The following NTRK2 variants were observed in gnomAD, a reference collection of about 807,000 sequenced individuals.
NTRK2 encodes neurotrophic receptor tyrosine kinase 2.
NTRK2 carries 13 observed loss-of-function variants against 94.5 expected under a neutral mutation model. That is an observed-to-expected ratio of 0.14 (90% CI 0.09 to 0.22). The LOEUF (loss-of-function observed/expected upper bound fraction) is 0.22. Among genes scored for constraint, NTRK2 ranks in the 10% least tolerant of loss-of-function variants. The pLI is 1.00. For missense variants in NTRK2, 639 were observed against 1,071.2 expected, an observed-to-expected ratio of 0.60 and a Z score of 5.63; for synonymous variants, 372 against 407.4, an observed-to-expected ratio of 0.91 and a Z score of 1.05.
intron 6 of NTRK2, among the ~76,000 whole-genome samples, chr9:84,715,415 T>C (rs1454791631): frequency 6.6e-6 from 1 of 152,200 alleles, no homozygotes; most frequent in Non-Finnish European, 1.5e-5. Context: ...AACTGCATCA[T>C]TCTCATTAAT....
At chr9:84,698,534 G>C (rs2060530039) in intron 2 of NTRK2, among the ~76,000 whole-genome samples, 1 of 152,080 alleles carries the variant, frequency 6.6e-6, no homozygotes, top group African/African-American at 2.4e-5. Flanking sequence ...GTCCATATGT[G>C]AGAACTTCTC....
intron 6 of NTRK2, among the ~76,000 whole-genome samples, chr9:84,712,589 A>G (rs1212109289): frequency 6.6e-6 from 1 of 152,120 alleles, no homozygotes; most frequent in Non-Finnish European, 1.5e-5. Context: ...AAGTGAATCG[A>G]CAGACTTATT....
chr9:84,877,385 A>G (rs200776661), intron 14 of NTRK2: 3 of 1,066,074 alleles, frequency 2.8e-6, no homozygotes, highest in Non-Finnish European at 3.4e-6. Flanking sequence ...TATGGTCCCC[A>G]TGCCATCTAT....
At chr9:84,790,594 G>T (rs1564282680) in intron 12 of NTRK2, among the ~76,000 whole-genome samples, 1 of 152,204 alleles carries the variant, frequency 6.6e-6, no homozygotes, top group Non-Finnish European at 1.5e-5. Flanking sequence ...GTTGCTATTT[G>T]CTATGCCTGC....
chr9:84,810,357 G>A (rs2071635050), intron 12 of NTRK2, among the ~76,000 whole-genome samples: 1 of 152,138 alleles, frequency 6.6e-6, no homozygotes. Context: ...ATAATGAGAT[G>A]CCCATTTCCC....
chr9:84,813,119 T>C, intron 12 of NTRK2: 2 of 1,040,682 alleles, frequency 1.9e-6, no homozygotes, highest in Non-Finnish European at 2.3e-6. Context: ...AAAGGAGAGG[T>C]AGCATTTTTG....
chr9:84,701,839 G>A (rs2060746220), intron 2 of NTRK2, among the ~76,000 whole-genome samples: 1 of 152,188 alleles, frequency 6.6e-6, no homozygotes, highest in East Asian at 1.9e-4. Context: ...AGGAGTAGAT[G>A]CATTTCCACG....
chr9:84,754,962 G>A (rs1026694334), intron 12 of NTRK2, among the ~76,000 whole-genome samples: 5 of 152,112 alleles, frequency 3.3e-5, no homozygotes, highest in African/African-American at 1.2e-4. Flanking sequence ...GATATGAAGG[G>A]CCCAGAGAAA....
chr9:85,022,521 T>C lies in NTRK2; in HGVS notation c.*1084T>C, dbSNP rs200503669. The C allele has an allele frequency of 1.9e-4, 44 of 233,130 alleles. No individual in the cohort carries two copies. Among genetic ancestry groups the C allele is most frequent in the African/African-American group, 8.2e-4 (37 of 45,338 alleles). The allele number at this position is 233,130 out of a possible 1,614,324, so 14.4% of individuals were successfully genotyped here. A position where few individuals can be genotyped will look rare whatever the true frequency, so the allele number is the denominator to read the frequency against. ...AGAACTTGGAAAAGATAAGACAAGC[T>C]ATAAATTCGGAGGCAAGTTTCTTTT... On this transcript the variant is annotated 3_prime_UTR_variant, in exon 19 of 19. Coordinates refer to ENST00000277120, the MANE Select transcript of NTRK2 (RefSeq NM_006180.6).
chr9:84,871,210 C>T (rs111598558), intron 14 of NTRK2, among the ~76,000 whole-genome samples: 9 of 152,200 alleles, frequency 5.9e-5, no homozygotes, highest in African/African-American at 1.4e-4. Context: ...TTACCAACAA[C>T]GATCAGGCAC....
chr9:84,912,464 C>CT (rs1474256144), intron 14 of NTRK2, among the ~76,000 whole-genome samples: 1 of 151,324 alleles, frequency 6.6e-6, no homozygotes, highest in Admixed American at 6.6e-5. Context: ...TGAATTGATT[C>CT]TTTTATCATT....
intron 6 of NTRK2, 55 bp downstream of exon 6, chr9:84,710,846 T>C: frequency 6.3e-7 from 1 of 1,581,368 alleles, no homozygotes; most frequent in Non-Finnish European, 8.7e-7. Flanking sequence ...TCTCATTGCC[T>C]TGGTGCGGTA....
At chr9:84,776,655 C>T (rs886965534) in intron 12 of NTRK2, among the ~76,000 whole-genome samples, 1 of 152,296 alleles carries the variant, frequency 6.6e-6, no homozygotes, top group Non-Finnish European at 1.5e-5. Context: ...AGACAGAGGA[C>T]TCTATTACTT....
intron 15 of NTRK2, among the ~76,000 whole-genome samples, chr9:84,937,233 G>A (rs996770463): frequency 6.6e-6 from 1 of 152,212 alleles, no homozygotes. Context: ...CCTCTATGGA[G>A]TGACTGCCGG....
intron 12 of NTRK2, among the ~76,000 whole-genome samples, chr9:84,851,360 G>A (rs73474471): frequency 0.036 from 5,452 of 152,214 alleles, 328 homozygotes; most frequent in African/African-American, 0.12. Flanking sequence ...GTGCATGATG[G>A]CCCATAGTTA....
rs1392646692 is a variant in NTRK2, at chr9:84,670,874, G to C, written c.126G>C (p.Arg42=). The C allele has an allele frequency of 1.2e-6, 2 of 1,613,700 alleles. No individual in the cohort carries two copies. Among genetic ancestry groups the C allele is most frequent in the South Asian group, 2.2e-5 (2 of 91,090 alleles). The change falls in exon 2 of 19, where the codon CGG becomes CGC. Residue 42 remains arginine, a synonymous_variant. Coordinates refer to ENST00000277120, the MANE Select transcript of NTRK2 (RefSeq NM_006180.6). ...CPTSCKCSAS[R]IWCSDPSPGI... is the part of the protein sequence containing the mutation. Reference sequence around the variant, plus strand: ...CGTCCTGCAAATGCAGTGCCTCTCGGATCTGGTGCAGCGACCCTTCTCCTG... The same window carrying C: ...CGTCCTGCAAATGCAGTGCCTCTCGCATCTGGTGCAGCGACCCTTCTCCTG...
chr9:84,740,041 G>A (rs2063527594), intron 9 of NTRK2, among the ~76,000 whole-genome samples: 1 of 152,222 alleles, frequency 6.6e-6, no homozygotes, highest in South Asian at 2.1e-4. Flanking sequence ...ACATCAGGAA[G>A]AGGGACAAGT....
At chr9:84,907,946 A>T (rs1022021732) in intron 14 of NTRK2, among the ~76,000 whole-genome samples, 12 of 152,108 alleles carry the variant, frequency 7.9e-5, no homozygotes, top group African/African-American at 2.9e-4. Flanking sequence ...GGACCAGGAG[A>T]TGTCCCCTGA....
At chr9:84,986,879 G>A (rs568381423) in intron 17 of NTRK2, among the ~76,000 whole-genome samples, 4 of 152,300 alleles carry the variant, frequency 2.6e-5, no homozygotes, top group South Asian at 4.1e-4. Context: ...CACTCAAGAC[G>A]TTCTAACATA....
Sources: gnomAD v4.1 joint callset for allele counts (sites outside exome capture counted in the v4.1 genomes callset) on GRCh38, gnomAD v4.1.1 for gene constraint, MANE v1.5 for transcripts, NCBI Gene and HGNC (gene_info 2026-07-23, HGNC 2026-07-21) for gene names.